The following KCNQ1 variants were observed in gnomAD, a reference collection of about 807,000 sequenced individuals.
KCNQ1 encodes the protein potassium voltage-gated channel subfamily Q member 1.
KCNQ1 carries 49 observed loss-of-function variants against 72.4 expected under a neutral mutation model. The ratio of observed to expected loss-of-function variants is 0.68; its 90% CI spans 0.54 to 0.86. The LOEUF (loss-of-function observed/expected upper bound fraction) is 0.86, where lower values mean the gene tolerates loss of function less well. KCNQ1 is among the 40% of genes least tolerant of loss of function. The probability of loss-of-function intolerance (pLI) is 0.00; values close to 1 mark genes in which losing one functional copy is unlikely to be tolerated. For synonymous variants in KCNQ1, 450 were observed against 412.6 expected (o/e 1.09, Z -1.10); for missense variants, 790 against 945.1 (o/e 0.84, Z 2.15).
At chr11:2,798,325 C>G (rs1057439084) in intron 15 of KCNQ1, among the ~76,000 whole-genome samples, 1 of 152,184 alleles carries the variant, frequency 6.6e-6, no homozygotes, top group Non-Finnish European at 1.5e-5. Flanking sequence ...CACCTGCAGA[C>G]CTAGCTAGTT....
Position 2,588,822 on chromosome 11 carries a change from A to C in KCNQ1, c.1361A>C (p.Asp454Ala), listed in dbSNP as rs1209573813. Residue 454 changes from aspartate (D) to alanine (A), a missense_variant, in exon 10 of 16, where the codon GAC becomes GCC. Physicochemically the swap from Asp to Ala is moderately radical, Grantham distance 126. Transcript: ENST00000155840. This position sits in a 1 kb window ranked among gnomAD's most constrained non-coding sequence, Gnocchi z 5.6. Reference sequence around the variant, plus strand: ...GACCCCCCAGAAGAGCGGCGGCTGGACCACTTCTCTGTCGACGGCTATGAC... The same window carrying C: ...GACCCCCCAGAAGAGCGGCGGCTGGCCCACTTCTCTGTCGACGGCTATGAC... ...TCDPPEERRLDHFSVDGYDSS... is the reference protein window; with the variant it reads ...TCDPPEERRLAHFSVDGYDSS... The C allele has an allele frequency of 6.2e-7, 1 of 1,611,576 alleles. No homozygotes were observed. The highest frequency in any genetic ancestry group is 8.5e-7 in the Non-Finnish European group (1 of 1,179,690).
In KCNQ1 at chr11:2,793,689, A is replaced by T. The variant is rs539851842; in HGVS notation, c.1794+15652A>T. On this transcript the variant is annotated intron_variant, in intron 15 of 15. Coordinates refer to ENST00000155840, the MANE Select transcript of KCNQ1 (RefSeq NM_000218.3). ...CCTTCTGGAGGGATGGAGGGACCAG[A>T]AGTCACAAGGAGCAGAAAGGAAAAA... Among the ~76,000 whole-genome samples, 8 of 152,330 alleles carry T rather than the reference A, an allele frequency of 5.3e-5. No individual in the cohort carries two copies. In the South Asian group the frequency reaches 8.3e-4, roughly 16 times the overall value.
In KCNQ1 at chr11:2,458,041, C is replaced by T. The variant is rs972978280; in HGVS notation, c.386+12557C>T. On this transcript the variant is annotated intron_variant, in intron 1 of 15. Coordinates refer to ENST00000155840, the MANE Select transcript of KCNQ1 (RefSeq NM_000218.3). The surrounding 1 kb of genome is among the most constrained non-coding windows in gnomAD (Gnocchi z 4.6). ...CCCTGAAAGAAACCAGGGCCCCTGG[C>T]GGATTCCAGGTCTGTGGCAGAAGAT... Among the ~76,000 whole-genome samples the T allele has an allele frequency of 6.6e-6, 1 of 152,034 alleles. No homozygotes were observed. Among genetic ancestry groups the T allele is most frequent in the African/African-American group, 2.4e-5 (1 of 41,404 alleles).
At chr11:2,576,036 C>T (rs374867524) in intron 6 of KCNQ1, among the ~76,000 whole-genome samples, 2 of 152,398 alleles carry the variant, frequency 1.3e-5, no homozygotes, top group African/African-American at 4.8e-5. Context: ...CTCATGAGGA[C>T]ACTTGCTGTT....
chr11:2,539,537 C>T lies in KCNQ1; in HGVS notation c.477+11519C>T, dbSNP rs190258757. ...CACCGCGGCAGCCTGGGAGCCAAGCCGATGGCTGTGCTGGCCGAAGGGAAC... is the reference window on the plus strand; with the variant it reads ...CACCGCGGCAGCCTGGGAGCCAAGCTGATGGCTGTGCTGGCCGAAGGGAAC... On this transcript the variant is annotated intron_variant, in intron 2 of 15. Coordinates refer to ENST00000155840, the MANE Select transcript of KCNQ1 (RefSeq NM_000218.3). Among the ~76,000 whole-genome samples the T allele has an allele frequency of 1.2e-3, 182 of 152,312 alleles. 1 individual carries two copies. The highest frequency in any genetic ancestry group is 8.8e-3 in the Admixed American group (134 of 15,302).
chr11:2,672,522 T>C (rs1298492840), intron 11 of KCNQ1: 1 of 398,562 alleles, frequency 2.5e-6, no homozygotes, highest in Non-Finnish European at 4.4e-6. Context: ...CCCAGGCCTC[T>C]CCATTACCAG....
In KCNQ1 at chr11:2,579,670, G is replaced by A. The variant is rs1406031477; in HGVS notation, c.922-3765G>A. ...GGCGAAGGTGGGGTCCTGGAGCTGCGTCCTGCTGTATGTGTGCTCTCCACG... is the reference window on the plus strand; with the variant it reads ...GGCGAAGGTGGGGTCCTGGAGCTGCATCCTGCTGTATGTGTGCTCTCCACG... On this transcript the variant is annotated intron_variant, in intron 6 of 15. Transcript: ENST00000155840. The surrounding 1 kb of genome is among the most constrained non-coding windows in gnomAD (Gnocchi z 6.0). Among the ~76,000 whole-genome samples the A allele has an allele frequency of 2.6e-5, 4 of 152,178 alleles. No individual in the cohort carries two copies. Among genetic ancestry groups the A allele is most frequent in the Admixed American group, 6.5e-5 (1 of 15,278 alleles).
chr11:2,682,186 TC>T lies in KCNQ1; in HGVS notation c.1514+20109del. On this transcript the variant is annotated intron_variant, in intron 11 of 15. Transcript: ENST00000155840. This position sits in a 1 kb window ranked among gnomAD's most constrained non-coding sequence, Gnocchi z 5.8. Reference sequence around the variant, plus strand: ...TATCAAGCTCTCTCCTGACCTTCTCTCCCCTTCCCCAGGCCAGGACTGTCTT... The same window carrying T: ...TATCAAGCTCTCTCCTGACCTTCTCTCCCTTCCCCAGGCCAGGACTGTCTT... 1 of 398,550 alleles carries T rather than the reference TC, an allele frequency of 2.5e-6. No homozygotes were observed. Among genetic ancestry groups the T allele is most frequent in the South Asian group, 1.3e-4 (1 of 7,844 alleles). 24.7% of individuals were successfully genotyped at this position (398,550 alleles called of 1,614,324 possible).
chr11:2,804,055 G>A lies in KCNQ1; in HGVS notation c.1794+26018G>A, dbSNP rs149810653. Among the ~76,000 whole-genome samples the A allele has an allele frequency of 1.2e-4, 19 of 152,292 alleles. No individual in the cohort carries two copies. In the East Asian group the frequency reaches 2.3e-3, roughly 19 times the overall value. ...GGATGGCGGGTGAACCACACGGGGA[G>A]GAGCCTGGAGCTCCTTCTGCATTTT... On this transcript the variant is annotated intron_variant, in intron 15 of 15. Transcript: ENST00000155840.
chr11:2,841,700 G>A (rs529741327), intron 15 of KCNQ1, among the ~76,000 whole-genome samples: 1 of 152,348 alleles, frequency 6.6e-6, no homozygotes, highest in Admixed American at 6.5e-5. Flanking sequence ...GCTAGCCGAG[G>A]TCCCAGGAAG....
At chr11:2,743,073 C>T (rs193180357) in intron 11 of KCNQ1, among the ~76,000 whole-genome samples, 1 of 152,324 alleles carries the variant, frequency 6.6e-6, no homozygotes, top group African/African-American at 2.4e-5. Context: ...TGAGGACAGC[C>T]GGCCTGAGCA....
rs1362154823 is a variant in KCNQ1 at position 2,670,200 on chromosome 11, G to C, written c.1514+8119G>C. ...CACCCACATTAAAGCAGAGTGAAGA[G>C]CAGGGCGAGCTGTGTAGCTCACCTG... On this transcript the variant is annotated intron_variant, in intron 11 of 15. Transcript: ENST00000155840. This position sits in a 1 kb window ranked among gnomAD's most constrained non-coding sequence, Gnocchi z 4.9. 1.3e-5 allele frequency: 5 copies of C among 398,642 alleles called. No homozygotes were observed. The East Asian group carries it at 1.8e-4, about 14-fold the overall frequency. 24.7% of individuals were successfully genotyped at this position (398,642 alleles called of 1,614,324 possible). A position where few individuals can be genotyped will look rare whatever the true frequency, so the allele number is the denominator to read the frequency against.
intron 10 of KCNQ1, chr11:2,610,040 C>T: frequency 7.5e-6 from 3 of 397,850 alleles, no homozygotes; most frequent in Non-Finnish European, 1.3e-5. Flanking sequence ...AGATTTATAT[C>T]CACAGTTTTA....
intron 11 of KCNQ1, among the ~76,000 whole-genome samples, chr11:2,749,819 T>A (rs231896): frequency 0.61 from 90,516 of 149,184 alleles, 27,840 homozygotes; most frequent in African/African-American, 0.73. Flanking sequence ...TCTCAAAAAA[T>A]ATATATATAT....
intron 15 of KCNQ1, among the ~76,000 whole-genome samples, chr11:2,799,753 G>A (rs891119445): frequency 2.0e-5 from 3 of 152,202 alleles, no homozygotes; most frequent in African/African-American, 7.2e-5. Flanking sequence ...GCCAGGAGCA[G>A]AATTTCTGGG....
intron 11 of KCNQ1, chr11:2,685,659 C>A (rs1238214278): frequency 2.5e-6 from 1 of 398,536 alleles, no homozygotes; most frequent in African/African-American, 2.1e-5. Flanking sequence ...CACACAGGTA[C>A]CAGAAGTTCA....
intron 15 of KCNQ1, among the ~76,000 whole-genome samples, chr11:2,792,308 TTGTC>T (rs1010948527): frequency 2.6e-5 from 4 of 152,192 alleles, no homozygotes; most frequent in African/African-American, 7.2e-5. Flanking sequence ...CGCCAGATCT[TTGTC>T]TGTGAAACAG....
chr11:2,778,570 C>T (rs1197755606), intron 15 of KCNQ1, among the ~76,000 whole-genome samples: 1 of 152,220 alleles, frequency 6.6e-6, no homozygotes, highest in African/African-American at 2.4e-5. Flanking sequence ...GCTCTGTGCC[C>T]ATCACTCGGT....
Position 2,816,614 on chromosome 11 carries a change from A to AGG in KCNQ1, c.1795-31149_1795-31148dup, listed in dbSNP as rs1257926102. ...TGATGAGGGGCTGGAGGCAGCAGAA[A>AGG]GGGGGCTATAGGACCCTTTGACTCA... On this transcript the variant is annotated intron_variant, in intron 15 of 15. Transcript: ENST00000155840. This position sits in a 1 kb window ranked among gnomAD's most constrained non-coding sequence, Gnocchi z 6.8. Among the ~76,000 whole-genome samples the AGG allele has an allele frequency of 4.6e-5, 7 of 152,264 alleles. No homozygotes were observed. In the East Asian group the frequency reaches 1.4e-3, roughly 29 times the overall value.
Sources: gnomAD v4.1 joint callset for allele counts (sites outside exome capture counted in the v4.1 genomes callset) on GRCh38, gnomAD v4.1.1 for gene constraint, Gnocchi (gnomAD v3.1) non-coding constraint, MANE v1.5 for transcripts, NCBI Gene and HGNC (gene_info 2026-07-23, HGNC 2026-07-21) for gene names.